HMGA2: variants seen among roughly 807,000 people sequenced by gnomAD.
HMGA2 encodes high mobility group AT-hook 2.
A neutral mutation model predicts 19.1 loss-of-function variants in HMGA2; 8 were observed. The ratio of observed to expected loss-of-function variants is 0.42; its 90% CI spans 0.25 to 0.76. The LOEUF (loss-of-function observed/expected upper bound fraction) is 0.76. Ranked by LOEUF, HMGA2 falls within the 30% of genes least tolerant of loss-of-function variation. The probability of loss-of-function intolerance (pLI) is 0.28; values close to 1 mark genes in which losing one functional copy is unlikely to be tolerated. For missense variants in HMGA2, 109 were observed against 136.3 expected (o/e 0.80, Z 1.00); for synonymous variants, 60 against 48.8 (o/e 1.23, Z -0.96).
At chr12:65,930,211 C>T (rs1875660006) in intron 3 of HMGA2, among the ~76,000 whole-genome samples, 1 of 152,136 alleles carries the variant, frequency 6.6e-6, no homozygotes, top group Admixed American at 6.5e-5. Context: ...TATCTTCAAC[C>T]TTGTTTGGTG....
chr12:65,924,778 T>C (rs1875446193), intron 3 of HMGA2, among the ~76,000 whole-genome samples: 1 of 152,064 alleles, frequency 6.6e-6, no homozygotes, highest in Admixed American at 6.6e-5. Context: ...AGCCTGGCAG[T>C]AGAGCAAGAC....
At chr12:65,865,345 A>G (rs1872339940) in intron 3 of HMGA2, among the ~76,000 whole-genome samples, 4 of 152,168 alleles carry the variant, frequency 2.6e-5, no homozygotes, top group Admixed American at 2.6e-4. Flanking sequence ...TGAAGGGTCA[A>G]TTGTATTTTT....
intron 3 of HMGA2, among the ~76,000 whole-genome samples, chr12:65,936,638 T>C (rs1004317274): frequency 2.0e-5 from 3 of 152,170 alleles, no homozygotes; most frequent in Non-Finnish European, 4.4e-5. Flanking sequence ...TGACCACTGC[T>C]GCTACGGTGA....
chr12:65,922,327 G>T (rs780512747), intron 3 of HMGA2, among the ~76,000 whole-genome samples: 3 of 152,284 alleles, frequency 2.0e-5, no homozygotes, highest in Non-Finnish European at 4.4e-5. Flanking sequence ...GCCTAAGACC[G>T]TAGGAACCAA....
intron 3 of HMGA2, chr12:65,842,331 G>C (rs560590767): frequency 5.0e-6 from 3 of 605,918 alleles, no homozygotes; most frequent in Non-Finnish European, 5.9e-6. Context: ...TGGCACATAG[G>C]TAGTGCTCAG....
chr12:65,834,298 A>G (rs1269051276), intron 2 of HMGA2, among the ~76,000 whole-genome samples: 1 of 152,216 alleles, frequency 6.6e-6, no homozygotes, highest in Non-Finnish European at 1.5e-5. Context: ...TTGGAAATGT[A>G]TGCCTTCTGC....
intron 3 of HMGA2, among the ~76,000 whole-genome samples, chr12:65,898,526 C>T (rs1035449308): frequency 3.3e-5 from 5 of 152,012 alleles, no homozygotes; most frequent in Non-Finnish European, 7.4e-5. Flanking sequence ...GTGAAGAAAA[C>T]ATCATGCATT....
intron 3 of HMGA2, among the ~76,000 whole-genome samples, chr12:65,894,394 T>C (rs1030013801): frequency 2.6e-5 from 4 of 152,210 alleles, no homozygotes; most frequent in Non-Finnish European, 4.4e-5. Flanking sequence ...TTCAGAGAAC[T>C]CTATAGTGGT....
Position 65,932,573 on chromosome 12 carries a change from T to C in HMGA2, c.250-18810T>C, listed in dbSNP as rs148820429. ...CAAGTTCAATGGATAGTTAAAAGGA[T>C]AGTTTCAATTCTATAAACCTTAATT... On this transcript the variant is annotated intron_variant, in intron 3 of 4. Transcript: ENST00000403681. 9.2e-3 allele frequency among the ~76,000 whole-genome samples: 1,395 copies of C among 152,364 alleles called. 10 individuals are homozygous for C. Among genetic ancestry groups the C allele is most frequent in the Non-Finnish European group, 0.015 (1,006 of 68,038 alleles).
At position 65,919,422 on chromosome 12, in the gene HMGA2, T is replaced by G. The variant is rs75184762; in HGVS notation, c.250-31961T>G. Among the ~76,000 whole-genome samples, 281 of 152,362 alleles carry G rather than the reference T, an allele frequency of 1.8e-3. 7 individuals are homozygous for G. In the East Asian group the frequency reaches 0.049, roughly 27 times the overall value. ...AGTCCCATTGGACCCACTTTCCTAT[T>G]CTGCTCTTGCCTGATTTTCATAACA... On this transcript the variant is annotated intron_variant, in intron 3 of 4. Coordinates refer to ENST00000403681, the MANE Select transcript of HMGA2 (RefSeq NM_003483.6).
intron 3 of HMGA2, among the ~76,000 whole-genome samples, chr12:65,850,439 T>G (rs776966248): frequency 6.6e-6 from 1 of 152,112 alleles, no homozygotes; most frequent in Non-Finnish European, 1.5e-5. Flanking sequence ...ATTGCTTTAA[T>G]AGAATGATCA....
At chr12:65,900,675 A>G (rs1015695867) in intron 3 of HMGA2, among the ~76,000 whole-genome samples, 2 of 152,244 alleles carry the variant, frequency 1.3e-5, no homozygotes, top group African/African-American at 4.8e-5. Flanking sequence ...CTAAAAGACC[A>G]CTAGGAACAA....
intron 3 of HMGA2, among the ~76,000 whole-genome samples, chr12:65,869,893 C>T (rs973619210): frequency 6.6e-5 from 10 of 152,142 alleles, no homozygotes; most frequent in African/African-American, 9.7e-5. Context: ...GTTTGTCAGA[C>T]TCTAAAGTCC....
At chr12:65,842,134 T>G (rs996720524) in intron 3 of HMGA2, 1 of 1,287,872 alleles carries the variant, frequency 7.8e-7, no homozygotes, top group African/African-American at 1.5e-5. Context: ...CTTTTTATAG[T>G]TAAGAGCTCA....
chr12:65,937,975 T>TC (rs1288982705), intron 3 of HMGA2, among the ~76,000 whole-genome samples: 1 of 152,152 alleles, frequency 6.6e-6, no homozygotes, highest in African/African-American at 2.4e-5. Flanking sequence ...AGTGACCCTC[T>TC]CCATGGCCCT....
At chr12:65,883,758 A>G (rs1873540267) in intron 3 of HMGA2, among the ~76,000 whole-genome samples, 1 of 152,368 alleles carries the variant, frequency 6.6e-6, no homozygotes, top group Non-Finnish European at 1.5e-5. Flanking sequence ...TTTCCAAATA[A>G]ATTCTCCCCT....
At chr12:65,852,225 G>A (rs577061633) in intron 3 of HMGA2, among the ~76,000 whole-genome samples, 59 of 152,250 alleles carry the variant, frequency 3.9e-4, no homozygotes, top group African/African-American at 1.2e-3. Flanking sequence ...AGCTGGATGC[G>A]GGGGCTCACG....
At chr12:65,944,812 A>C (rs1020706968) in intron 3 of HMGA2, among the ~76,000 whole-genome samples, 5 of 152,100 alleles carry the variant, frequency 3.3e-5, no homozygotes, top group Non-Finnish European at 7.4e-5. Flanking sequence ...CTCTGCCTCC[A>C]CCTATCCTGG....
At chr12:65,904,173 C>T (rs994884033) in intron 3 of HMGA2, among the ~76,000 whole-genome samples, 3 of 152,196 alleles carry the variant, frequency 2.0e-5, no homozygotes, top group African/African-American at 7.2e-5. Flanking sequence ...ATCTGTTCAA[C>T]GTCATAGAAT....
Sources: gnomAD v4.1 joint callset for allele counts (sites outside exome capture counted in the v4.1 genomes callset) on GRCh38, gnomAD v4.1.1 for gene constraint, MANE v1.5 for transcripts, NCBI Gene and HGNC (gene_info 2026-07-23, HGNC 2026-07-21) for gene names.